Variants in EDAR observed in about 807,000 individuals in gnomAD.
The protein encoded by EDAR is ectodysplasin A receptor.
In EDAR, 38 loss-of-function variants were observed where a neutral mutation model predicts 51.3. The ratio of observed to expected loss-of-function variants is 0.74; its 90% confidence interval spans 0.57 to 0.97. The LOEUF is 0.97. Among genes scored for constraint, EDAR ranks in the 50% least tolerant of loss-of-function variants. EDAR has a pLI of 0.00. For synonymous variants in EDAR, 227 were observed against 242.1 expected, an observed-to-expected ratio of 0.94 and a Z score of 0.58; for missense variants, 528 against 595.0, an observed-to-expected ratio of 0.89 and a Z score of 1.17.
At chr2:108,975,999 C>A (rs1698316249) in intron 1 of EDAR, among the ~76,000 whole-genome samples, 1 of 152,148 alleles carries the variant, frequency 6.6e-6, no homozygotes, top group Non-Finnish European at 1.5e-5. Context: ...GGACCCCACA[C>A]CAGTTTTCCT....
rs1696595317 is a variant in EDAR at position 108,896,531 on chromosome 2, CAAACTCCTTAA to C, written c.*365_*375del. On this transcript the variant is annotated 3_prime_UTR_variant, in exon 12 of 12. Coordinates refer to ENST00000258443, the MANE Select transcript of EDAR (RefSeq NM_022336.4). ...GTTCCTTCTGTCTTCTACTGGAGTG[CAAACTCCTTAA>C]AGACAGGGACCAGATTCTTCACTTC... The C allele has an allele frequency of 4.7e-6, 1 of 211,426 alleles. No homozygotes were observed. The highest frequency in any genetic ancestry group is 2.3e-5 in the African/African-American group (1 of 44,202). 13.1% of individuals were successfully genotyped at this position (211,426 alleles called of 1,614,324 possible).
At chr2:108,975,569 T>G (rs751523351) in intron 1 of EDAR, among the ~76,000 whole-genome samples, 9 of 152,154 alleles carry the variant, frequency 5.9e-5, no homozygotes, top group Non-Finnish European at 1.3e-4. Context: ...GCTCAGCTCA[T>G]TCCTACCCCA....
chr2:108,901,535 A>C (rs2105379922), intron 11 of EDAR, among the ~76,000 whole-genome samples: 1 of 152,348 alleles, frequency 6.6e-6, no homozygotes, highest in South Asian at 2.1e-4. Flanking sequence ...GAAAAGAGAC[A>C]GTTATTTGAA....
At chr2:108,953,165 T>A (rs573865766) in intron 1 of EDAR, among the ~76,000 whole-genome samples, 1 of 152,346 alleles carries the variant, frequency 6.6e-6, no homozygotes, top group East Asian at 1.9e-4. Flanking sequence ...GAGTCTCTAT[T>A]GAAAGCTCAA....
chr2:108,956,906 A>G (rs985403325), intron 1 of EDAR, among the ~76,000 whole-genome samples: 4 of 151,990 alleles, frequency 2.6e-5, no homozygotes, highest in African/African-American at 4.8e-5. Flanking sequence ...CTCCTGCCTC[A>G]GCCTCCCGAG....
At chr2:108,918,488 G>T (rs977706645) in intron 5 of EDAR, among the ~76,000 whole-genome samples, 1 of 152,180 alleles carries the variant, frequency 6.6e-6, no homozygotes, top group African/African-American at 2.4e-5. Flanking sequence ...CCTGAGTTTC[G>T]AATAAGCAAG....
At chr2:108,969,085 C>T (rs145431661) in intron 1 of EDAR, among the ~76,000 whole-genome samples, 26 of 152,262 alleles carry the variant, frequency 1.7e-4, no homozygotes, top group East Asian at 7.7e-4. Context: ...AGTCAGTTTA[C>T]GTTGTGTGAC....
chr2:108,916,955 ACAGGCCACC>A (rs1025703404), intron 5 of EDAR, among the ~76,000 whole-genome samples: 2 of 152,174 alleles, frequency 1.3e-5, no homozygotes, highest in East Asian at 1.9e-4. Context: ...AGACTTGCCC[ACAGGCCACC>A]CAGGCCACCA....
chr2:108,988,629 A>G (rs1698539003), intron 1 of EDAR, among the ~76,000 whole-genome samples: 1 of 152,172 alleles, frequency 6.6e-6, no homozygotes, highest in South Asian at 2.1e-4. Context: ...GGCAAACCTG[A>G]GAAACATACT....
chr2:108,937,901 G>A (rs774139131), intron 1 of EDAR, among the ~76,000 whole-genome samples: 3 of 152,222 alleles, frequency 2.0e-5, no homozygotes, highest in Non-Finnish European at 2.9e-5. Context: ...GTGGACAGAG[G>A]TAGGTTTGAG....
rs747806672 is a variant in EDAR at position 108,897,110 on chromosome 2, C to T, written c.1144G>A (p.Gly382Ser). Reference protein sequence around the residue: ...KTWRHLAESFGLKRDEIGGMT... With the variant: ...KTWRHLAESFSLKRDEIGGMT... ...CCCCCAATCTCATCCCTCTTCAGGC[C>T]GAAGCTCTCGGCGAGGTGGCGCCAC... The change falls in exon 12 of 12, where the codon GGC (glycine) becomes AGC (serine). Residue 382 changes from glycine to serine, a missense_variant. Transcript: ENST00000258443. 1.9e-5 allele frequency: 31 copies of T among 1,613,918 alleles called. No homozygotes were observed. The highest frequency in any genetic ancestry group is 1.3e-4 in the Admixed American group (8 of 59,990).
At chr2:108,968,122 C>G (rs1698179123) in intron 1 of EDAR, among the ~76,000 whole-genome samples, 1 of 152,152 alleles carries the variant, frequency 6.6e-6, no homozygotes, top group African/African-American at 2.4e-5. Context: ...CTGATTTTCA[C>G]AGCCACCACC....
intron 1 of EDAR, among the ~76,000 whole-genome samples, chr2:108,943,822 G>A (rs1336700972): frequency 6.6e-6 from 1 of 152,202 alleles, no homozygotes; most frequent in East Asian, 1.9e-4. Context: ...CTGGGGCAGA[G>A]GGCTGGATGC....
In EDAR at chr2:108,897,048, G is replaced by A. The variant is rs1163047024; in HGVS notation, c.1206C>T (p.Ser402=). ...TDGMQLFDRI[S]TAGYSIPELL... ...GCTCAGGGATGCTGTAGCCTGCCGT[G>A]CTGATGCGGTCAAAGAGTTGCATGC... is the stretch of plus-strand genomic sequence containing the variant. The change falls in exon 12 of 12, where the codon AGC becomes AGT. Residue 402 remains serine, a synonymous_variant. Coordinates refer to ENST00000258443, the MANE Select transcript of EDAR (RefSeq NM_022336.4). The A allele has an allele frequency of 1.9e-6, 3 of 1,614,036 alleles. No individual in the cohort carries two copies. Among genetic ancestry groups the A allele is most frequent in the African/African-American group, 1.3e-5 (1 of 74,926 alleles).
At chr2:108,977,004 G>A (rs1425795595) in intron 1 of EDAR, among the ~76,000 whole-genome samples, 2 of 152,144 alleles carry the variant, frequency 1.3e-5, no homozygotes, top group African/African-American at 4.8e-5. Context: ...ATGAAAAGGT[G>A]TCTGAGGGTG....
rs1478517 is a variant in EDAR at position 108,894,481 on chromosome 2, G to A, written c.*2426C>T. On this transcript the variant is annotated 3_prime_UTR_variant, in exon 12 of 12. Coordinates refer to ENST00000258443, the MANE Select transcript of EDAR (RefSeq NM_022336.4). ...ACGGTAGTCTATAAATCTTATTAAT[G>A]TGTTTATTGAGATTATAAAATATAA... 0.53 allele frequency: 81,116 copies of A among 151,646 alleles called. 26,227 individuals are homozygous for A. Among genetic ancestry groups the A allele is most frequent in the East Asian group, 0.89 (4,586 of 5,164 alleles). 9.4% of individuals were successfully genotyped at this position (151,646 alleles called of 1,614,324 possible). A position where few individuals can be genotyped will look rare whatever the true frequency, so the allele number is the denominator to read the frequency against.
At chr2:108,930,334 G>GCAAGA in intron 2 of EDAR, 92 bp from the exon 3 acceptor site, 1 of 1,514,266 alleles carries the variant, frequency 6.6e-7, no homozygotes, top group Non-Finnish European at 9.1e-7. Flanking sequence ...GGAAGGGGGT[G>GCAAGA]CCCTGCGGTG....
rs79571723 is a variant in EDAR, at chr2:108,976,122, G to T, written c.-19+12838C>A. Among the ~76,000 whole-genome samples, 1,089 of 152,226 alleles carry T rather than the reference G, an allele frequency of 7.2e-3. 7 individuals carry two copies. The highest frequency in any genetic ancestry group is 0.028 in the South Asian group (134 of 4,818). ...CAGATGTCCTTAGTTTTCTCCTAAC[G>T]TTCTTTTTCTGTTCCAGGATCCCAT... is the stretch of plus-strand genomic sequence containing the variant. On this transcript the variant is annotated intron_variant, in intron 1 of 11. Transcript: ENST00000258443.
intron 5 of EDAR, among the ~76,000 whole-genome samples, chr2:108,914,069 T>A (rs1308945576): frequency 1.3e-5 from 2 of 151,784 alleles, no homozygotes; most frequent in Non-Finnish European, 2.9e-5. Context: ...AAGACTAGCC[T>A]GGCCAACCTG....
Sources: allele counts gnomAD v4.1 joint callset (sites outside exome capture counted in the v4.1 genomes callset), GRCh38; gene constraint gnomAD v4.1.1; transcripts MANE v1.5; gene names NCBI Gene and HGNC (gene_info 2026-07-23, HGNC 2026-07-21).